The following GRB2 variants were observed in gnomAD, a reference collection of about 807,000 sequenced individuals.
The protein encoded by GRB2 is growth factor receptor bound protein 2.
A neutral mutation model predicts 27.4 loss-of-function variants in GRB2; 2 were observed. The ratio of observed to expected loss-of-function variants is 0.07; its 90% CI spans 0.03 to 0.23. GRB2 has a LOEUF of 0.23. GRB2 is among the 10% of genes least tolerant of loss of function. GRB2 has a pLI of 1.00. For synonymous variants in GRB2, 94 were observed against 99.6 expected, an observed-to-expected ratio of 0.94 and a Z score of 0.33; for missense variants, 102 against 282.4, an observed-to-expected ratio of 0.36 and a Z score of 4.58.
chr17:75,341,382 G>A (rs1387501689), intron 2 of GRB2, among the ~76,000 whole-genome samples: 5 of 150,202 alleles, frequency 3.3e-5, no homozygotes, highest in Admixed American at 1.3e-4. Context: ...AAACCAGGAG[G>A]CAGAGGTTGC....
intron 2 of GRB2, among the ~76,000 whole-genome samples, chr17:75,348,056 T>C (rs903769372): frequency 2.0e-5 from 3 of 152,198 alleles, no homozygotes; most frequent in African/African-American, 7.2e-5. Flanking sequence ...TTTTCAAAAT[T>C]TGAGACAGGG....
intron 1 of GRB2, among the ~76,000 whole-genome samples, chr17:75,398,786 C>T (rs2079045142): frequency 6.6e-6 from 1 of 150,898 alleles, no homozygotes; most frequent in Admixed American, 6.6e-5. Context: ...CTTGCTCTAT[C>T]CCTCAGGCTG....
chr17:75,364,639 C>G (rs1191241160), intron 2 of GRB2, among the ~76,000 whole-genome samples: 1 of 152,058 alleles, frequency 6.6e-6, no homozygotes, highest in Non-Finnish European at 1.5e-5. Flanking sequence ...ATCGTCCATA[C>G]TATTTCTGAC....
rs538814318 is a variant in GRB2 at position 75,367,685 on chromosome 17, C to T, written c.78+25866G>A. Among the ~76,000 whole-genome samples, 82 of 152,268 alleles carry T rather than the reference C, an allele frequency of 5.4e-4. 1 individual carries two copies. The highest frequency in any genetic ancestry group is 1.9e-3 in the African/African-American group (80 of 41,544). On this transcript the variant is annotated intron_variant, in intron 2 of 5. Coordinates refer to ENST00000316804, the MANE Select transcript of GRB2 (RefSeq NM_002086.5). ...CTAAACTATCCACAGTACTTTTAGT[C>T]AAACTTTTTCCTATGGTTTTAGCAT...
chr17:75,359,623 C>T (rs540858573), intron 2 of GRB2, among the ~76,000 whole-genome samples: 25 of 152,044 alleles, frequency 1.6e-4, no homozygotes, highest in Non-Finnish European at 3.5e-4. Context: ...CTCCACCTGC[C>T]AGTCCCTGTC....
chr17:75,388,323 G>C (rs764685638), intron 2 of GRB2, among the ~76,000 whole-genome samples: 5 of 150,910 alleles, frequency 3.3e-5, no homozygotes, highest in Non-Finnish European at 5.9e-5. Context: ...GGCTGGTCTC[G>C]AACTCCTGAC....
At chr17:75,366,273 T>G (rs189935763) in intron 2 of GRB2, among the ~76,000 whole-genome samples, 36 of 151,822 alleles carry the variant, frequency 2.4e-4, no homozygotes, top group African/African-American at 8.5e-4. Context: ...CACACATAAC[T>G]CGACTGTGTA....
intron 2 of GRB2, among the ~76,000 whole-genome samples, chr17:75,343,063 A>AAAAAAAAAGG (rs1567861729): frequency 7.1e-6 from 1 of 141,140 alleles, no homozygotes; most frequent in Non-Finnish European, 1.6e-5. Flanking sequence ...AAAAAAAAAA[A>AAAAAAAAAGG]GGTATAAGAT....
At chr17:75,350,910 G>C (rs549558159) in intron 2 of GRB2, among the ~76,000 whole-genome samples, 1 of 152,294 alleles carries the variant, frequency 6.6e-6, no homozygotes, top group African/African-American at 2.4e-5. Context: ...GGAATGCGCA[G>C]GTGCAAAAGT....
intron 2 of GRB2, among the ~76,000 whole-genome samples, chr17:75,382,951 C>T (rs975880077): frequency 2.6e-4 from 39 of 152,240 alleles, no homozygotes; most frequent in Admixed American, 2.1e-3. Context: ...CCTCGTGATC[C>T]GCCTGCCTCG....
At chr17:75,378,340 G>A (rs192148529) in intron 2 of GRB2, among the ~76,000 whole-genome samples, 6 of 152,110 alleles carry the variant, frequency 3.9e-5, no homozygotes, top group Non-Finnish European at 7.4e-5. Context: ...CTGAGATCTC[G>A]CCACCGCATT....
At chr17:75,378,477 T>C (rs1052110708) in intron 2 of GRB2, among the ~76,000 whole-genome samples, 5 of 152,102 alleles carry the variant, frequency 3.3e-5, no homozygotes, top group African/African-American at 1.2e-4. Context: ...GTGAGAGGCA[T>C]GTCCTTTTTG....
At position 75,401,141 on chromosome 17, in the gene GRB2, T is replaced by C. The variant is rs141954418; in HGVS notation, c.-138+4348A>G. 5.6e-3 allele frequency among the ~76,000 whole-genome samples: 852 copies of C among 151,354 alleles called. 10 individuals carry two copies. Among genetic ancestry groups the C allele is most frequent in the African/African-American group, 0.019 (798 of 41,284 alleles). On this transcript the variant is annotated intron_variant, in intron 1 of 5. Coordinates refer to ENST00000316804, the MANE Select transcript of GRB2 (RefSeq NM_002086.5). ...TCTGTAAGGCAAAATAATACATCAG[T>C]ATGTGCTTAAAAAAAAAGGCTAGGC...
At chr17:75,367,231 C>T (rs969567001) in intron 2 of GRB2, among the ~76,000 whole-genome samples, 4 of 152,080 alleles carry the variant, frequency 2.6e-5, no homozygotes, top group Non-Finnish European at 4.4e-5. Flanking sequence ...AGTGCTGTAG[C>T]GTGATTATGG....
At chr17:75,337,033 G>T (rs1441627946) in intron 2 of GRB2, among the ~76,000 whole-genome samples, 1 of 152,082 alleles carries the variant, frequency 6.6e-6, no homozygotes, top group Non-Finnish European at 1.5e-5. Flanking sequence ...CCATCATGCT[G>T]GCCAAAAATG....
chr17:75,365,058 C>T (rs544003979), intron 2 of GRB2, among the ~76,000 whole-genome samples: 2 of 152,202 alleles, frequency 1.3e-5, no homozygotes, highest in African/African-American at 4.8e-5. Flanking sequence ...TAAAATCAAA[C>T]GAATCTTGTA....
At chr17:75,385,684 T>C (rs899048343) in intron 2 of GRB2, among the ~76,000 whole-genome samples, 9 of 152,254 alleles carry the variant, frequency 5.9e-5, no homozygotes, top group African/African-American at 2.2e-4. Context: ...TAACAGCATC[T>C]GCCTTTACAA....
At chr17:75,341,372 A>G (rs546127312) in intron 2 of GRB2, among the ~76,000 whole-genome samples, 2 of 150,302 alleles carry the variant, frequency 1.3e-5, no homozygotes, top group South Asian at 4.2e-4. Context: ...GAATCGCTTG[A>G]AACCAGGAGG....
At chr17:75,378,511 G>A (rs1401995094) in intron 2 of GRB2, among the ~76,000 whole-genome samples, 2 of 152,192 alleles carry the variant, frequency 1.3e-5, no homozygotes, top group Non-Finnish European at 2.9e-5. Context: ...ATCTAACAGG[G>A]AAGGGATGAA....
Sources: allele counts gnomAD v4.1 joint callset (sites outside exome capture counted in the v4.1 genomes callset), GRCh38; gene constraint gnomAD v4.1.1; transcripts MANE v1.5; gene names NCBI Gene and HGNC (gene_info 2026-07-23, HGNC 2026-07-21).